SAMD4A: variants seen among roughly 807,000 people sequenced by gnomAD.
SAMD4A encodes the protein protein Smaug homolog 1.
In SAMD4A, 33 loss-of-function variants were observed where a neutral mutation model predicts 81.3. The observed-to-expected ratio is 0.41, with a 90% CI of 0.31 to 0.54. The LOEUF (loss-of-function observed/expected upper bound fraction) is 0.54, where lower values mean the gene tolerates loss of function less well. Among genes scored for constraint, SAMD4A ranks in the 20% least tolerant of loss-of-function variants. The probability of loss-of-function intolerance (pLI) is 0.37; values close to 1 mark genes in which losing one functional copy is unlikely to be tolerated. For missense variants in SAMD4A, 854 were observed against 951.1 expected, an observed-to-expected ratio of 0.90 and a Z score of 1.34; for synonymous variants, 389 against 382.1, an observed-to-expected ratio of 1.02 and a Z score of -0.21.
chr14:54,760,627 A>G (rs2038373257), intron 7 of SAMD4A, 133 bp downstream of exon 7: 5 of 1,329,836 alleles, frequency 3.8e-6, no homozygotes, highest in Non-Finnish European at 4.8e-6. Context: ...TCTTACAGAT[A>G]GGGAAAGTGC....
At chr14:54,730,469 G>A (rs1416498366) in intron 3 of SAMD4A, among the ~76,000 whole-genome samples, 1 of 152,158 alleles carries the variant, frequency 6.6e-6, no homozygotes, top group Non-Finnish European at 1.5e-5. Flanking sequence ...CCACATCTTT[G>A]CTTTGTAGCA....
chr14:54,650,831 AC>A (rs752348515), intron 2 of SAMD4A, among the ~76,000 whole-genome samples: 9 of 152,038 alleles, frequency 5.9e-5, no homozygotes, highest in Non-Finnish European at 1.2e-4. Flanking sequence ...GGCGTGCCCC[AC>A]GTTGTATGCT....
At chr14:54,777,200 C>G (rs550404366) in intron 11 of SAMD4A, among the ~76,000 whole-genome samples, 46 of 151,640 alleles carry the variant, frequency 3.0e-4, no homozygotes, top group African/African-American at 1.1e-3. Context: ...TGGATGGACC[C>G]CCCCCCACCC....
In SAMD4A at chr14:54,663,022, AT is replaced by A. The variant is rs540383028; in HGVS notation, c.197-39039del. Among the ~76,000 whole-genome samples, 12 of 152,318 alleles carry A rather than the reference AT, an allele frequency of 7.9e-5. No homozygotes were observed. In the South Asian group the frequency reaches 2.5e-3, roughly 32 times the overall value. ...AGACCACAGGGGTCCAAGTTAATTA[AT>A]CACACTGGGGAAACTACTCCATTGA... On this transcript the variant is annotated intron_variant, in intron 2 of 12. Transcript: ENST00000554335.
intron 7 of SAMD4A, among the ~76,000 whole-genome samples, chr14:54,762,036 A>G (rs1042524992): frequency 3.9e-5 from 6 of 152,202 alleles, no homozygotes; most frequent in Non-Finnish European, 8.8e-5. Context: ...GGATGACACC[A>G]GTATCTAAAG....
chr14:54,648,236 G>A (rs1311745972), intron 2 of SAMD4A, among the ~76,000 whole-genome samples: 1 of 152,226 alleles, frequency 6.6e-6, no homozygotes, highest in African/African-American at 2.4e-5. Flanking sequence ...TGGAAGAGGT[G>A]TGGGGTTTCA....
chr14:54,719,934 A>G (rs775426513), intron 3 of SAMD4A, among the ~76,000 whole-genome samples: 5 of 152,122 alleles, frequency 3.3e-5, no homozygotes, highest in Admixed American at 6.6e-5. Context: ...CAGCTCTAGA[A>G]AATTTTCTTG....
At chr14:54,587,169 AT>A (rs2033645917) in intron 2 of SAMD4A, among the ~76,000 whole-genome samples, 4 of 151,990 alleles carry the variant, frequency 2.6e-5, no homozygotes. Context: ...ATTCCTAAGC[AT>A]TTTATTTTGT....
chr14:54,750,303 G>C (rs1032989473), intron 5 of SAMD4A, among the ~76,000 whole-genome samples: 3 of 152,162 alleles, frequency 2.0e-5, no homozygotes, highest in Non-Finnish European at 4.4e-5. Flanking sequence ...CTGGGTTCAC[G>C]TGTCATTTGA....
At chr14:54,682,178 A>C (rs2036144170) in intron 2 of SAMD4A, 1 of 439,098 alleles carries the variant, frequency 2.3e-6, no homozygotes, top group Non-Finnish European at 3.0e-6. Flanking sequence ...GCACAGAAGA[A>C]TCTTGAGGTA....
intron 2 of SAMD4A, among the ~76,000 whole-genome samples, chr14:54,638,068 C>T (rs958084467): frequency 2.0e-5 from 3 of 152,140 alleles, no homozygotes; most frequent in Non-Finnish European, 2.9e-5. Context: ...TCCTTCCTTC[C>T]TGGAAGTGAT....
rs570014104 is a variant in SAMD4A at position 54,567,642 on chromosome 14, GA to G, written c.-274del. On this transcript the variant is annotated 5_prime_UTR_variant, in exon 2 of 13. Transcript: ENST00000554335. ...TCATTCAGTTGTGTGCCTTGTGGGG[GA>G]TTTTTAAAAAGTCGTTTTTTTTTTT... 32 of 464,132 alleles carry G rather than the reference GA, an allele frequency of 6.9e-5. 1 individual carries two copies. Among genetic ancestry groups the G allele is most frequent in the South Asian group, 5.0e-4 (18 of 35,658 alleles). The allele number at this position is 464,132 out of a possible 1,614,324, so 28.8% of individuals were successfully genotyped here. A position where few individuals can be genotyped will look rare whatever the true frequency, so the allele number is the denominator to read the frequency against.
intron 3 of SAMD4A, among the ~76,000 whole-genome samples, chr14:54,710,178 A>G (rs1432327542): frequency 1.3e-5 from 2 of 152,172 alleles, no homozygotes; most frequent in Non-Finnish European, 2.9e-5. Flanking sequence ...TAATCTGTCC[A>G]CTTCTACAGA....
intron 3 of SAMD4A, among the ~76,000 whole-genome samples, chr14:54,729,981 A>T (rs1343307653): frequency 6.6e-6 from 1 of 152,234 alleles, no homozygotes; most frequent in East Asian, 1.9e-4. Context: ...CTACTGGATG[A>T]CACCCAGTTT....
At chr14:54,756,485 C>T (rs986325803) in intron 6 of SAMD4A, among the ~76,000 whole-genome samples, 4 of 152,162 alleles carry the variant, frequency 2.6e-5, no homozygotes, top group African/African-American at 9.7e-5. Context: ...CCCATCATAC[C>T]GTGTGGGTCC....
At position 54,788,999 on chromosome 14, in the gene SAMD4A, G is replaced by A; in HGVS notation, c.*55G>A. The A allele has an allele frequency of 6.3e-7, 1 of 1,586,724 alleles. No individual in the cohort carries two copies. The highest frequency in any genetic ancestry group is 8.7e-7 in the Non-Finnish European group (1 of 1,155,136). ...CGTGAAATCGACTGCTGCGGGTCCA[G>A]TGTCCGCCATCTTCAGGGTTGCACA... On this transcript the variant is annotated 3_prime_UTR_variant, in exon 13 of 13. Coordinates refer to ENST00000554335, the MANE Select transcript of SAMD4A (RefSeq NM_015589.6).
chr14:54,659,703 T>C (rs1383911082), intron 2 of SAMD4A, among the ~76,000 whole-genome samples: 3 of 152,062 alleles, frequency 2.0e-5, no homozygotes, highest in African/African-American at 7.2e-5. Flanking sequence ...AACCTAAAAA[T>C]GAGGGGGAAG....
Position 54,776,419 on chromosome 14 carries a change from G to A in SAMD4A, c.1923G>A (p.Leu641=), listed in dbSNP as rs946117570. The A allele has an allele frequency of 1.9e-6, 3 of 1,590,554 alleles. No homozygotes were observed. The highest frequency in any genetic ancestry group is 1.7e-6 in the Non-Finnish European group (2 of 1,169,788). Residue 641 remains leucine (L), a synonymous_variant, in exon 11 of 13, where the codon CTG becomes CTA. Coordinates refer to ENST00000554335, the MANE Select transcript of SAMD4A (RefSeq NM_015589.6). The part of the protein sequence containing the change: ...PTIMKQGRQN[L]WFANPGGSNS... ...CCTTTTGCTTTTCTCACCAGAACCTGTGGTTTGCCAACCCCGGGGGCAGCA... is the reference window on the plus strand; with the variant it reads ...CCTTTTGCTTTTCTCACCAGAACCTATGGTTTGCCAACCCCGGGGGCAGCA...
At chr14:54,565,958 C>T (rs937952353), upstream of SAMD4A, among the ~76,000 whole-genome samples, 1 of 151,950 alleles carries the variant, frequency 6.6e-6, no homozygotes, top group Non-Finnish European at 1.5e-5. This position sits in a 1 kb window ranked among gnomAD's most constrained non-coding sequence, Gnocchi z 5.4. Context: ...CCGCCCTGCG[C>T]CGGGTCCGGG....
Sources: allele counts gnomAD v4.1 joint callset (sites outside exome capture counted in the v4.1 genomes callset), GRCh38; gene constraint gnomAD v4.1.1; non-coding constraint Gnocchi (gnomAD v3.1); transcripts MANE v1.5; gene names NCBI Gene and HGNC (gene_info 2026-07-23, HGNC 2026-07-21).